LRRC37A2: variants seen among roughly 807,000 people sequenced by gnomAD.
LRRC37A2 encodes the protein leucine rich repeat containing 37 member A2, also known as leucine-rich repeat-containing protein 37A2.
A neutral mutation model predicts 68.8 loss-of-function variants in LRRC37A2; 9 were observed. The ratio of observed to expected loss-of-function variants is 0.13; its 90% CI spans 0.08 to 0.23. LRRC37A2 has a LOEUF of 0.23. Ranked by LOEUF, LRRC37A2 falls within the 10% of genes least tolerant of loss-of-function variation. The pLI is 1.00. For synonymous variants in LRRC37A2, 63 were observed against 367.6 expected, an observed-to-expected ratio of 0.17 and a Z score of 9.48; for missense variants, 168 against 950.4, an observed-to-expected ratio of 0.18 and a Z score of 10.82.
chr17:46,852,474 G>T, the LRRC37A2 span, among the ~76,000 whole-genome samples: 2 of 151,116 alleles, frequency 1.3e-5, no homozygotes, highest in African/African-American at 4.9e-5. Context: ...ACAGTGGGGG[G>T]TGACACCTGG....
the LRRC37A2 span, among the ~76,000 whole-genome samples, chr17:46,907,674 CAA>C: frequency 7.4e-5 from 3 of 40,270 alleles, no homozygotes; most frequent in Non-Finnish European, 1.5e-4. Flanking sequence ...TCCATCTCTA[CAA>C]AAAAAAAAAA....
chr17:46,744,856 G>A, the LRRC37A2 span, among the ~76,000 whole-genome samples: 1 of 152,132 alleles, frequency 6.6e-6, no homozygotes, highest in Non-Finnish European at 1.5e-5. Flanking sequence ...CACCTGAGTT[G>A]CTGCTTATGG....
the LRRC37A2 span, among the ~76,000 whole-genome samples, chr17:46,712,771 A>C: frequency 6.6e-6 from 1 of 152,208 alleles, no homozygotes; most frequent in Non-Finnish European, 1.5e-5. Flanking sequence ...TAAGGACTAA[A>C]CAGAGCAGAA....
chr17:46,996,351 G>A, the LRRC37A2 span, among the ~76,000 whole-genome samples: 1 of 152,234 alleles, frequency 6.6e-6, no homozygotes, highest in African/African-American at 2.4e-5. Context: ...ACAGGCTTTA[G>A]AGTGAGAACA....
the LRRC37A2 span, among the ~76,000 whole-genome samples, chr17:46,958,387 A>C: frequency 4.1e-4 from 63 of 152,368 alleles, no homozygotes; most frequent in African/African-American, 1.4e-3. Flanking sequence ...GGAGCTAGCA[A>C]AGAAGACTGG....
the LRRC37A2 span, chr17:47,019,572 C>T: frequency 2.3e-4 from 342 of 1,474,138 alleles, 3 homozygotes; most frequent in Middle Eastern, 3.1e-3. Flanking sequence ...CACAGGTCCA[C>T]CTACTGTGCT....
the LRRC37A2 span, among the ~76,000 whole-genome samples, chr17:46,759,075 A>G: frequency 4.6e-5 from 7 of 152,148 alleles, no homozygotes; most frequent in African/African-American, 1.7e-4. Flanking sequence ...ATGGTGGCAC[A>G]TGCCTGTAAT....
chr17:46,904,074 G>T, the LRRC37A2 span, among the ~76,000 whole-genome samples: 1 of 151,646 alleles, frequency 6.6e-6, no homozygotes, highest in Non-Finnish European at 1.5e-5. Context: ...TGAGTGACTG[G>T]GTAGATGAAT....
chr17:46,725,940 G>T, the LRRC37A2 span, among the ~76,000 whole-genome samples: 1 of 152,118 alleles, frequency 6.6e-6, no homozygotes, highest in South Asian at 2.1e-4. Flanking sequence ...CTACATCCTT[G>T]CCAGGCTAAA....
At chr17:46,938,459 C>T in the LRRC37A2 span, 1 of 1,318,024 alleles carries the variant, frequency 7.6e-7, no homozygotes, top group Non-Finnish European at 1.1e-6. Context: ...GGCTCTATTT[C>T]TGGCTGATAT....
the LRRC37A2 span, chr17:46,833,535 C>T: frequency 2.4e-6 from 1 of 425,480 alleles, no homozygotes; most frequent in Non-Finnish European, 4.7e-6. Context: ...CGAGACACTG[C>T]TGGAGGCCGA....
the LRRC37A2 span, among the ~76,000 whole-genome samples, chr17:46,824,334 C>G: frequency 6.6e-6 from 1 of 152,152 alleles, no homozygotes; most frequent in African/African-American, 2.4e-5. Context: ...CTGCAGCATC[C>G]ACCTCCTGGG....
the LRRC37A2 span, among the ~76,000 whole-genome samples, chr17:46,775,676 T>TGATCTCG: frequency 6.7e-6 from 1 of 148,836 alleles, no homozygotes; most frequent in African/African-American, 2.5e-5. Flanking sequence ...TGCAGTGACG[T>TGATCTCG]GATCTCGGCT....
At chr17:46,929,636 A>G in the LRRC37A2 span, 4 of 906,894 alleles carry the variant, frequency 4.4e-6, no homozygotes, top group African/African-American at 3.2e-5. Context: ...ACAGGGTGCT[A>G]ATGGGCTGGG....
the LRRC37A2 span, chr17:46,769,638 G>GGGGA: frequency 4.8e-6 from 5 of 1,042,052 alleles, no homozygotes; most frequent in Non-Finnish European, 7.0e-6. Context: ...GCTGTGGGGT[G>GGGGA]GGGAGGAGGC....
At chr17:46,784,346 C>T in the LRRC37A2 span, among the ~76,000 whole-genome samples, 1 of 152,112 alleles carries the variant, frequency 6.6e-6, no homozygotes, top group African/African-American at 2.4e-5. Flanking sequence ...TTCCAGGCAC[C>T]ACGTAGAGAC....
At chr17:46,897,497 A>ATTGCCC in the LRRC37A2 span, among the ~76,000 whole-genome samples, 1 of 152,192 alleles carries the variant, frequency 6.6e-6, no homozygotes, top group African/African-American at 2.4e-5. Context: ...ACTCTAGGTT[A>ATTGCCC]CCATGAGCCA....
At chr17:46,895,231 C>T in the LRRC37A2 span, among the ~76,000 whole-genome samples, 1 of 152,240 alleles carries the variant, frequency 6.6e-6, no homozygotes, top group African/African-American at 2.4e-5. Flanking sequence ...AGTGCGGAGG[C>T]TGCTAGCTGG....
At chr17:47,018,969 C>A in the LRRC37A2 span, 6 of 1,519,350 alleles carry the variant, frequency 3.9e-6, no homozygotes, top group African/African-American at 6.9e-5. Flanking sequence ...AAATCCAACA[C>A]CAGGTCAGGA....
Sources: gnomAD v4.1 joint callset for allele counts (sites outside exome capture counted in the v4.1 genomes callset) on GRCh38, gnomAD v4.1.1 for gene constraint, MANE v1.5 for transcripts, NCBI Gene and HGNC (gene_info 2026-07-23, HGNC 2026-07-21) for gene names.